R3HCC1L: variants seen among roughly 807,000 people sequenced by gnomAD.
The protein encoded by R3HCC1L is coiled-coil domain-containing protein R3HCC1L.
In R3HCC1L, 51 loss-of-function variants were observed where a neutral mutation model predicts 59.9. The observed-to-expected ratio is 0.85, with a 90% CI of 0.68 to 1.07. The LOEUF is 1.07. Ranked by LOEUF, R3HCC1L falls within the 50% of genes least tolerant of loss-of-function variation. The probability of loss-of-function intolerance (pLI) is 0.00; values close to 1 mark genes in which losing one functional copy is unlikely to be tolerated. For missense variants in R3HCC1L, 965 were observed against 933.0 expected, an observed-to-expected ratio of 1.03 and a Z score of -0.45; for synonymous variants, 322 against 315.2, an observed-to-expected ratio of 1.02 and a Z score of -0.23.
At chr10:98,143,311 C>T (rs879290912) in intron 1 of R3HCC1L, among the ~76,000 whole-genome samples, 7 of 152,206 alleles carry the variant, frequency 4.6e-5, no homozygotes, top group African/African-American at 1.4e-4. Context: ...TACCATCACA[C>T]GTAACTGTTT....
intron 4 of R3HCC1L, among the ~76,000 whole-genome samples, chr10:98,204,909 C>A (rs1005864758): frequency 6.6e-6 from 1 of 152,058 alleles, no homozygotes; most frequent in Non-Finnish European, 1.5e-5. Context: ...ACATATCTGC[C>A]GCAGATAAGA....
At chr10:98,134,901 C>T (rs920663951) in intron 1 of R3HCC1L, among the ~76,000 whole-genome samples, 195 bp downstream of exon 1, 2 of 152,184 alleles carry the variant, frequency 1.3e-5, no homozygotes, top group African/African-American at 4.8e-5. Context: ...CTGACCCCTG[C>T]GGGCCCGCGG....
chr10:98,219,902 C>T (rs1854667800), intron 5 of R3HCC1L, among the ~76,000 whole-genome samples: 1 of 152,040 alleles, frequency 6.6e-6, no homozygotes. Context: ...TTTGAGCTTC[C>T]TATATTTGGA....
At chr10:98,136,918 A>G (rs1265671214) in intron 1 of R3HCC1L, among the ~76,000 whole-genome samples, 1 of 152,194 alleles carries the variant, frequency 6.6e-6, no homozygotes, top group African/African-American at 2.4e-5. Flanking sequence ...GGTGGTGTCA[A>G]AAGTTTTTGG....
chr10:98,229,463 A>C (rs36137800), intron 5 of R3HCC1L, among the ~76,000 whole-genome samples: 1 of 152,054 alleles, frequency 6.6e-6, no homozygotes, highest in Non-Finnish European at 1.5e-5. Flanking sequence ...TTGCCTGTCA[A>C]CTTAAGGAGA....
chr10:98,233,875 CA>C (rs908964667), intron 6 of R3HCC1L, among the ~76,000 whole-genome samples: 17 of 152,202 alleles, frequency 1.1e-4, no homozygotes, highest in African/African-American at 4.1e-4. Flanking sequence ...CTCCCTTCTG[CA>C]ACAAGTGAAG....
At chr10:98,154,996 T>G (rs1846699262) in intron 1 of R3HCC1L, among the ~76,000 whole-genome samples, 1 of 152,248 alleles carries the variant, frequency 6.6e-6, no homozygotes, top group South Asian at 2.1e-4. Context: ...ACATTAGTGT[T>G]GGCCAAAATT....
chr10:98,232,786 G>A lies in R3HCC1L; in HGVS notation c.1961+1099G>A, dbSNP rs143690002. Among the ~76,000 whole-genome samples, 37 of 152,286 alleles carry A rather than the reference G, an allele frequency of 2.4e-4. 1 individual carries two copies. The East Asian group carries it at 6.9e-3, about 29-fold the overall frequency. On this transcript the variant is annotated intron_variant, in intron 6 of 9. Coordinates refer to ENST00000298999, the MANE Select transcript of R3HCC1L (RefSeq NM_001351015.2). ...TAGACAACTCTGCCATTGTTAAACA[G>A]AAGCAAGCAAAAACAATACATAAAT...
chr10:98,143,282 A>G (rs1845343921), intron 1 of R3HCC1L, among the ~76,000 whole-genome samples: 2 of 152,234 alleles, frequency 1.3e-5, no homozygotes, highest in South Asian at 2.1e-4. Context: ...ATTTGTTTAT[A>G]TGATCAGTAA....
intron 1 of R3HCC1L, among the ~76,000 whole-genome samples, chr10:98,139,778 A>C (rs1345378445): frequency 1.3e-5 from 2 of 152,106 alleles, no homozygotes; most frequent in Non-Finnish European, 2.9e-5. Context: ...GTCTCATGCT[A>C]GCCTTCTGTA....
chr10:98,215,058 G>T (rs566507138), intron 5 of R3HCC1L, among the ~76,000 whole-genome samples: 3 of 152,238 alleles, frequency 2.0e-5, no homozygotes, highest in Non-Finnish European at 4.4e-5. Context: ...CTAGCCCTGC[G>T]CTCTTTCCAT....
chr10:98,163,653 A>G (rs1847655196), intron 4 of R3HCC1L, among the ~76,000 whole-genome samples: 1 of 152,172 alleles, frequency 6.6e-6, no homozygotes, highest in African/African-American at 2.4e-5. Context: ...ATTCGTTTTC[A>G]AAGTTGGATC....
chr10:98,220,996 C>T (rs1249111125), intron 5 of R3HCC1L, among the ~76,000 whole-genome samples: 2 of 147,008 alleles, frequency 1.4e-5, no homozygotes, highest in African/African-American at 5.0e-5. Context: ...GTCCCACCAA[C>T]AGTGTAAAAG....
At position 98,167,473 on chromosome 10, in the gene R3HCC1L, A is replaced by T. The variant is rs569451921; in HGVS notation, c.-15+4076A>T. On this transcript the variant is annotated intron_variant, in intron 4 of 9. Coordinates refer to ENST00000298999, the MANE Select transcript of R3HCC1L (RefSeq NM_001351015.2). Reference sequence around the variant, plus strand: ...CTAACAGACAGACTCTACCTCATTTATAAGTATTCATTTTTGTTGTTACTG... The same window carrying T: ...CTAACAGACAGACTCTACCTCATTTTTAAGTATTCATTTTTGTTGTTACTG... 1.8e-4 allele frequency among the ~76,000 whole-genome samples: 28 copies of T among 152,348 alleles called. No homozygotes were observed. The East Asian group carries it at 4.0e-3, about 22-fold the overall frequency.
chr10:98,174,516 A>G, intron 4 of R3HCC1L: 2 of 873,686 alleles, frequency 2.3e-6, no homozygotes, highest in Non-Finnish European at 2.7e-6. Context: ...GATGGCATTC[A>G]TAAATGAAAC....
chr10:98,157,710 C>T (rs891695828), intron 2 of R3HCC1L, among the ~76,000 whole-genome samples: 3 of 152,148 alleles, frequency 2.0e-5, no homozygotes, highest in African/African-American at 7.2e-5. Flanking sequence ...GCTGTCTATC[C>T]TTGTGGATTT....
intron 5 of R3HCC1L, chr10:98,231,137 TA>T (rs1443218619): frequency 3.0e-6 from 1 of 332,434 alleles, no homozygotes; most frequent in African/African-American, 2.1e-5. Context: ...TAAGCTCAAT[TA>T]AAACAAATAT....
intron 9 of R3HCC1L, among the ~76,000 whole-genome samples, chr10:98,239,375 A>G (rs1168408555): frequency 6.6e-6 from 1 of 152,190 alleles, no homozygotes; most frequent in Non-Finnish European, 1.5e-5. Flanking sequence ...CAGAATTAGC[A>G]TGGGAATTGA....
intron 5 of R3HCC1L, among the ~76,000 whole-genome samples, chr10:98,216,665 T>C (rs1245068146): frequency 6.6e-6 from 1 of 151,780 alleles, no homozygotes; most frequent in Non-Finnish European, 1.5e-5. Flanking sequence ...CTCAAACTCC[T>C]GGGCTCAAGC....
Sources: allele counts gnomAD v4.1 joint callset (sites outside exome capture counted in the v4.1 genomes callset), GRCh38; gene constraint gnomAD v4.1.1; transcripts MANE v1.5; gene names NCBI Gene and HGNC (gene_info 2026-07-23, HGNC 2026-07-21).